The following SETD6 variants were observed in gnomAD, a reference collection of about 807,000 sequenced individuals.
SETD6 encodes the protein SET domain containing 6, protein lysine methyltransferase, also known as N-lysine methyltransferase SETD6.
A neutral mutation model predicts 52.7 loss-of-function variants in SETD6; 67 were observed. The observed-to-expected ratio is 1.27, with a 90% CI of 1.04 to 1.56. The LOEUF is 1.56. SETD6 is among the 40% of genes most tolerant of loss of function. The probability of loss-of-function intolerance (pLI) is 0.00; values close to 1 mark genes in which losing one functional copy is unlikely to be tolerated. For synonymous variants in SETD6, 307 were observed against 250.2 expected (o/e 1.23, Z -2.14); for missense variants, 712 against 607.5 (o/e 1.17, Z -1.81).
chr16:58,520,820 C>T lies in SETD6; in HGVS notation c.*1791C>T. 1.1e-6 allele frequency: 1 copy of T among 876,590 alleles called. No individual in the cohort carries two copies. Among genetic ancestry groups the T allele is most frequent in the South Asian group, 1.6e-5 (1 of 64,404 alleles). 54.3% of individuals were successfully genotyped at this position (876,590 alleles called of 1,614,324 possible). A position where few individuals can be genotyped will look rare whatever the true frequency, so the allele number is the denominator to read the frequency against. Reference sequence around the variant, plus strand: ...CCCACATAAGACAGGAGGCTGATCCCAACAGTAGTTGGGGCAGATACCCAC... The same window carrying T: ...CCCACATAAGACAGGAGGCTGATCCTAACAGTAGTTGGGGCAGATACCCAC... On this transcript the variant is annotated 3_prime_UTR_variant, in exon 8 of 8. Coordinates refer to ENST00000219315, the MANE Select transcript of SETD6 (RefSeq NM_001160305.4).
At position 58,523,487 on chromosome 16, in the gene SETD6, A is replaced by C; in HGVS notation, c.*4458A>C. On this transcript the variant is annotated 3_prime_UTR_variant, in exon 8 of 8. Transcript: ENST00000219315. ...CCGGAGCTGATTTGCAATTGCATTC[A>C]AAAAGAGATAGCGACCTAGAAATTA... 1 of 1,613,980 alleles carries C rather than the reference A, an allele frequency of 6.2e-7. No individual in the cohort carries two copies. Among genetic ancestry groups the C allele is most frequent in the Non-Finnish European group, 8.5e-7 (1 of 1,179,922 alleles).
At position 58,517,081 on chromosome 16, in the gene SETD6, A is replaced by C. The variant is rs1375609546; in HGVS notation, c.792+153A>C. The C allele has an allele frequency of 2.6e-6, 3 of 1,142,100 alleles. 1 individual carries two copies. The South Asian group carries it at 3.8e-5, about 15-fold the overall frequency. The allele number at this position is 1,142,100 out of a possible 1,614,324, so 70.7% of individuals were successfully genotyped here. ...TGCATATTACTGTAGAATCATTTGAATGCGAAACATTTTAAAGTCCTCAAA... is the reference window on the plus strand; with the variant it reads ...TGCATATTACTGTAGAATCATTTGACTGCGAAACATTTTAAAGTCCTCAAA... On this transcript the variant is annotated intron_variant, in intron 5 of 7. Transcript: ENST00000219315.
intron 5 of SETD6, chr16:58,517,484 T>A (rs182262227): frequency 4.1e-5 from 7 of 170,668 alleles, no homozygotes; most frequent in East Asian, 1.5e-4. Flanking sequence ...TTCCATTTTT[T>A]CCCCCCCGAG....
Position 58,516,203 on chromosome 16 carries a change from G to C in SETD6, c.336G>C (p.Glu112Asp). The C allele has an allele frequency of 6.3e-7, 1 of 1,585,596 alleles. No individual in the cohort carries two copies. Among genetic ancestry groups the C allele is most frequent in the Non-Finnish European group, 8.5e-7 (1 of 1,175,316 alleles). Residue 112 changes from glutamate (E) to aspartate (D), a missense_variant and splice_region_variant, in exon 3 of 8, where the codon GAG becomes GAC. Physicochemically the swap from Glu to Asp is conservative, Grantham distance 45. Transcript: ENST00000219315. ...TCSIGGLLER[E>D]RVALQSQSGW... The stretch of plus-strand genomic sequence containing the variant: ...CGCTCACACCTGTGTCTTCCTCAGA[G>C]CGAGTTGCGCTGCAGAGCCAGTCGG...
In SETD6 at chr16:58,519,819, C is replaced by CAATCA. The variant is rs59247776; in HGVS notation, c.*792_*796dup. The stretch of plus-strand genomic sequence containing the variant: ...TAGTAGGAATGACCTATCAATCAAT[C>CAATCA]AATCAATCATTCAGCAAGAAGTTAG... On this transcript the variant is annotated 3_prime_UTR_variant, in exon 8 of 8. Coordinates refer to ENST00000219315, the MANE Select transcript of SETD6 (RefSeq NM_001160305.4). 37,348 of 151,906 alleles carry CAATCA rather than the reference C, an allele frequency of 0.25. 4,966 individuals are homozygous for CAATCA. Among genetic ancestry groups the CAATCA allele is most frequent in the East Asian group, 0.38 (1,940 of 5,146 alleles). 9.4% of individuals were successfully genotyped at this position (151,906 alleles called of 1,614,324 possible).
chr16:58,515,707 G>C (rs1278714622), intron 1 of SETD6, 84 bp from the exon 2 acceptor site: 25 of 1,402,738 alleles, frequency 1.8e-5, no homozygotes, highest in Non-Finnish European at 2.3e-5. Flanking sequence ...CCCAAAGCCC[G>C]TTCTGCGCTC....
chr16:58,519,084 C>T lies in SETD6; in HGVS notation c.*55C>T. 1.3e-6 allele frequency: 2 copies of T among 1,485,636 alleles called. No homozygotes were observed. The highest frequency in any genetic ancestry group is 2.3e-5 in the East Asian group (1 of 43,814). The allele number at this position is 1,485,636 out of a possible 1,614,324, so 92.0% of individuals were successfully genotyped here. A position where few individuals can be genotyped will look rare whatever the true frequency, so the allele number is the denominator to read the frequency against. The stretch of plus-strand genomic sequence containing the variant: ...ATAAGAACTTTATTCTAAGCTAATA[C>T]TCATTGATGTTTGAAAAAGAGGAAA... On this transcript the variant is annotated 3_prime_UTR_variant, in exon 8 of 8. Transcript: ENST00000219315.
In SETD6 at chr16:58,523,581, G is replaced by C; in HGVS notation, c.*4552G>C. ...AGACAGTTCTAACTGGCTAGGGTTTGGGTTTCTGACAGAGGCTTTCAAATT... is the reference window on the plus strand; with the variant it reads ...AGACAGTTCTAACTGGCTAGGGTTTCGGTTTCTGACAGAGGCTTTCAAATT... On this transcript the variant is annotated 3_prime_UTR_variant, in exon 8 of 8. Coordinates refer to ENST00000219315, the MANE Select transcript of SETD6 (RefSeq NM_001160305.4). 7.2e-7 allele frequency: 1 copy of C among 1,391,148 alleles called. No individual in the cohort carries two copies. The highest frequency in any genetic ancestry group is 9.8e-7 in the Non-Finnish European group (1 of 1,016,386). 86.2% of individuals were successfully genotyped at this position (1,391,148 alleles called of 1,614,324 possible).
Position 58,518,056 on chromosome 16 carries a change from T to TAC in SETD6, c.798_799insAC (p.Leu267ThrfsTer5). On this transcript the variant is annotated frameshift_variant, in exon 6 of 8. Coordinates refer to ENST00000219315, the MANE Select transcript of SETD6 (RefSeq NM_001160305.4). LOFTEE classifies it high-confidence loss of function. ...GCTTCTCCCTTTCACCTCAGAATTG[T>TAC]CTTCGGATGGTAGCCACTCAGCCCA... 2 of 1,614,172 alleles carry TAC rather than the reference T, an allele frequency of 1.2e-6. No individual in the cohort carries two copies. The highest frequency in any genetic ancestry group is 2.2e-5 in the South Asian group (2 of 91,074).
At chr16:58,517,609 G>GA (rs2039210912) in intron 5 of SETD6, 1 of 205,720 alleles carries the variant, frequency 4.9e-6, no homozygotes. Flanking sequence ...CGAGTAGTTG[G>GA]AATTACAGGC....
In SETD6 at chr16:58,516,186, C is replaced by T. The variant is rs1196980235; in HGVS notation, c.335-16C>T. On this transcript the variant is annotated splice_polypyrimidine_tract_variant and intron_variant, in intron 2 of 7. Transcript: ENST00000219315. ...GCGAGGCCGCGCCGGGGCGCTCACA[C>T]CTGTGTCTTCCTCAGAGCGAGTTGC... 6.4e-7 allele frequency: 1 copy of T among 1,558,062 alleles called. No homozygotes were observed.
Position 58,515,590 on chromosome 16 carries a change from C to T in SETD6, c.27+26C>T, listed in dbSNP as rs1166585522. ...GTGAGTGGCGGGCGCGGGGTCCAGC[C>T]TTTTCCTCCGCGCCTCACCCCTTCT... is the stretch of plus-strand genomic sequence containing the variant. On this transcript the variant is annotated intron_variant, in intron 1 of 7. Coordinates refer to ENST00000219315, the MANE Select transcript of SETD6 (RefSeq NM_001160305.4). 5 of 1,540,724 alleles carry T rather than the reference C, an allele frequency of 3.2e-6. No individual in the cohort carries two copies. The African/African-American group carries it at 5.6e-5, about 17-fold the overall frequency.
At position 58,523,831 on chromosome 16, in the gene SETD6, G is replaced by A. The variant is rs1359661638; in HGVS notation, c.*4802G>A. The A allele has an allele frequency of 4.9e-6, 1 of 202,998 alleles. No individual in the cohort carries two copies. Among genetic ancestry groups the A allele is most frequent in the Non-Finnish European group, 1.0e-5 (1 of 99,608 alleles). The allele number at this position is 202,998 out of a possible 1,614,324, so 12.6% of individuals were successfully genotyped here. On this transcript the variant is annotated 3_prime_UTR_variant, in exon 8 of 8. Transcript: ENST00000219315. ...TCTAAGTCTTGCTTAATAAAAGACA[G>A]CTGGATTCTCATTTCTGCTTCTGTG...
Position 58,521,360 on chromosome 16 carries a change from C to G in SETD6, c.*2331C>G, listed in dbSNP as rs778804211. 1.9e-6 allele frequency: 3 copies of G among 1,550,836 alleles called. No individual in the cohort carries two copies. The highest frequency in any genetic ancestry group is 2.6e-6 in the Non-Finnish European group (3 of 1,148,768). On this transcript the variant is annotated 3_prime_UTR_variant, in exon 8 of 8. Coordinates refer to ENST00000219315, the MANE Select transcript of SETD6 (RefSeq NM_001160305.4). ...GAGCTAGTTAATGTATAGAAGCATA[C>G]AAATTCATGATTATTCTTCCATTAC...
At position 58,516,900 on chromosome 16, in the gene SETD6, A is replaced by G. The variant is rs2039181294; in HGVS notation, c.764A>G (p.Asn255Ser). Residue 255 changes from asparagine (N) to serine (S), a missense_variant, in exon 5 of 8, where the codon AAT (asparagine) becomes AGT (serine). By Grantham distance (46) the Asn-to-Ser change is conservative. Coordinates refer to ENST00000219315, the MANE Select transcript of SETD6 (RefSeq NM_001160305.4). ...PAADILNHLA[N>S]HNANLEYSAN... ...GCAGACATACTAAACCACTTAGCCA[A>G]TCACAACGCCAATCTAGAATACTCT... is the stretch of plus-strand genomic sequence containing the variant. 7.4e-6 allele frequency: 12 copies of G among 1,614,012 alleles called. No individual in the cohort carries two copies. Among genetic ancestry groups the G allele is most frequent in the African/African-American group, 2.7e-5 (2 of 74,914 alleles).
chr16:58,520,948 G>C lies in SETD6; in HGVS notation c.*1919G>C. 6.2e-7 allele frequency: 1 copy of C among 1,612,260 alleles called. No individual in the cohort carries two copies. Among genetic ancestry groups the C allele is most frequent in the Non-Finnish European group, 8.5e-7 (1 of 1,179,770 alleles). On this transcript the variant is annotated 3_prime_UTR_variant, in exon 8 of 8. Transcript: ENST00000219315. ...CTAGACTGACACGTACAACAGAGAT[G>C]CAGTTTCGTCTAACTGGCACCTGTC...
Position 58,516,216 on chromosome 16 carries a change from C to T in SETD6, c.349C>T (p.Gln117Ter), listed in dbSNP as rs768009350. The change falls in exon 3 of 8, where the codon CAG becomes TAG. Residue 117 changes from glutamine (Q) to a stop codon, truncating the protein, a stop_gained. Transcript: ENST00000219315. LOFTEE classifies it high-confidence loss of function. Reference protein sequence around the residue: ...GLLERERVALQSQSGWVPLLL... With the variant: ...GLLERERVAL ...GTCTTCCTCAGAGCGAGTTGCGCTG[C>T]AGAGCCAGTCGGGCTGGGTGCCACT... 1.9e-6 allele frequency: 3 copies of T among 1,593,548 alleles called. No homozygotes were observed. Among genetic ancestry groups the T allele is most frequent in the African/African-American group, 2.7e-5 (2 of 74,612 alleles).
intron 5 of SETD6, chr16:58,517,754 G>A (rs370034822): frequency 5.2e-5 from 22 of 421,836 alleles, no homozygotes; most frequent in East Asian, 2.0e-4. Context: ...GGGATTACAG[G>A]TGTGAGCCAC....
chr16:58,521,557 A>G lies in SETD6; in HGVS notation c.*2528A>G, dbSNP rs1054856433. On this transcript the variant is annotated 3_prime_UTR_variant, in exon 8 of 8. Transcript: ENST00000219315. Reference sequence around the variant, plus strand: ...ATATAAAGTGCAGATAATGGTATCTACCTCACAGCTGTTCAGAATAAGGGG... The same window carrying G: ...ATATAAAGTGCAGATAATGGTATCTGCCTCACAGCTGTTCAGAATAAGGGG... Among the ~76,000 whole-genome samples, 1 of 152,168 alleles carries G rather than the reference A, an allele frequency of 6.6e-6. No homozygotes were observed. The highest frequency in any genetic ancestry group is 1.5e-5 in the Non-Finnish European group (1 of 68,020).
Sources: allele counts gnomAD v4.1 joint callset (sites outside exome capture counted in the v4.1 genomes callset), GRCh38; gene constraint gnomAD v4.1.1; transcripts MANE v1.5; gene names NCBI Gene and HGNC (gene_info 2026-07-23, HGNC 2026-07-21).